The following DNAH9 variants were observed in gnomAD, a reference collection of about 807,000 sequenced individuals.
The protein encoded by DNAH9 is dynein axonemal heavy chain 9.
In DNAH9, 345 loss-of-function variants were observed where a neutral mutation model predicts 471.6. The ratio of observed to expected loss-of-function variants is 0.73; its 90% CI spans 0.67 to 0.80. The LOEUF (loss-of-function observed/expected upper bound fraction) is 0.80, where lower values mean the gene tolerates loss of function less well. Ranked by LOEUF, DNAH9 falls within the 30% of genes least tolerant of loss-of-function variation. DNAH9 has a pLI of 0.00. For missense variants in DNAH9, 5,407 were observed against 5,609.2 expected (o/e 0.96, Z 1.15); for synonymous variants, 2,093 against 2,123.6 (o/e 0.99, Z 0.40).
chr17:11,689,840 G>A lies in DNAH9; in HGVS notation c.4018G>A (p.Ala1340Thr), dbSNP rs747818360. 1.2e-6 allele frequency: 2 copies of A among 1,612,972 alleles called. No individual in the cohort carries two copies. The highest frequency in any genetic ancestry group is 1.7e-6 in the Non-Finnish European group (2 of 1,179,380). Residue 1340 changes from alanine (A) to threonine (T), a missense_variant, in exon 20 of 69, where the codon GCC becomes ACC. Ala to Thr is a moderately conservative substitution (Grantham distance 58). This residue lies in a region of DNAH9 where 4,636 missense variants were observed against 4,900.3 expected (regional missense o/e 0.95). Transcript: ENST00000262442. The part of the protein sequence containing the change: ...EAMELECKQF[A>T]RHIRNLDKEV... ...CATGGAGTTGGAGTGCAAACAGTTT[G>A]CCCGGCATATCCGAAACCTGGACAA...
chr17:11,608,639 CT>C (rs1015086915), intron 2 of DNAH9, among the ~76,000 whole-genome samples: 9 of 152,272 alleles, frequency 5.9e-5, no homozygotes, highest in East Asian at 5.8e-4. Context: ...AGGATAGTGT[CT>C]CATCATTGGC....
rs551125541 is a variant in DNAH9 at position 11,781,852 on chromosome 17, A to AAAC, written c.7718+680_7718+681insCAA. Reference sequence around the variant, plus strand: ...ATCTTAAAAAAAAAAAACAAACAAAAAAAAAACTACCAAACACCCGGTACC... The same window carrying AAAC: ...ATCTTAAAAAAAAAAAACAAACAAAAAACAAAAAACTACCAAACACCCGGTACC... On this transcript the variant is annotated intron_variant, in intron 39 of 68. Transcript: ENST00000262442. Among the ~76,000 whole-genome samples, 325 of 149,812 alleles carry AAAC rather than the reference A, an allele frequency of 2.2e-3. 4 individuals are homozygous for AAAC. Among genetic ancestry groups the AAAC allele is most frequent in the South Asian group, 4.0e-3 (19 of 4,712 alleles).
chr17:11,898,185 C>T (rs1433153960), intron 59 of DNAH9, among the ~76,000 whole-genome samples: 2 of 151,006 alleles, frequency 1.3e-5, no homozygotes, highest in African/African-American at 2.4e-5. Flanking sequence ...AGTGCAGTGG[C>T]GAAATCTCGG....
chr17:11,949,111 C>T (rs1481460670), intron 67 of DNAH9, among the ~76,000 whole-genome samples: 1 of 152,148 alleles, frequency 6.6e-6, no homozygotes, highest in East Asian at 1.9e-4. Flanking sequence ...GAACGAAGAC[C>T]TACAGGAAAA....
chr17:11,793,960 G>A (rs1969151235), intron 42 of DNAH9, among the ~76,000 whole-genome samples: 1 of 151,390 alleles, frequency 6.6e-6, no homozygotes, highest in South Asian at 2.1e-4. Context: ...TGATGCTCTA[G>A]CATCCTTGAA....
At chr17:11,703,102 A>AAG (rs1555569586) in intron 24 of DNAH9, among the ~76,000 whole-genome samples, 4 of 151,324 alleles carry the variant, frequency 2.6e-5, no homozygotes, top group African/African-American at 7.3e-5. Context: ...AAAAAAAAAA[A>AAG]AAAAGAAAAG....
intron 54 of DNAH9, 73 bp downstream of exon 54, chr17:11,880,273 C>G (rs751415207): frequency 1.6e-5 from 25 of 1,558,754 alleles, no homozygotes; most frequent in African/African-American, 2.7e-5. Context: ...ATGAAGAGGT[C>G]TGCTCTTCCT....
At chr17:11,768,693 A>G in intron 37 of DNAH9, 67 bp downstream of exon 37, 1 of 1,560,700 alleles carries the variant, frequency 6.4e-7, no homozygotes, top group Non-Finnish European at 8.7e-7. Flanking sequence ...TGGCTCCAGT[A>G]GCAGCCCCGC....
chr17:11,899,121 T>C (rs926432535), intron 59 of DNAH9, among the ~76,000 whole-genome samples: 2 of 152,036 alleles, frequency 1.3e-5, no homozygotes, highest in Non-Finnish European at 2.9e-5. Flanking sequence ...TCTTTTTAAG[T>C]GTTTGGTTGG....
intron 26 of DNAH9, among the ~76,000 whole-genome samples, chr17:11,705,737 A>G (rs569540028): frequency 5.3e-4 from 81 of 152,324 alleles, no homozygotes; most frequent in African/African-American, 1.9e-3. Flanking sequence ...AACTTCAGTT[A>G]TTCCCAATAC....
intron 49 of DNAH9, among the ~76,000 whole-genome samples, chr17:11,842,768 T>A (rs1052976866): frequency 6.6e-6 from 1 of 152,208 alleles, no homozygotes; most frequent in East Asian, 1.9e-4. Flanking sequence ...ATTCTAGCAG[T>A]GCTGGCAGCT....
intron 6 of DNAH9, among the ~76,000 whole-genome samples, chr17:11,621,492 G>A (rs970408578): frequency 6.6e-6 from 1 of 151,956 alleles, no homozygotes; most frequent in Non-Finnish European, 1.5e-5. Flanking sequence ...GAGCAGGTTT[G>A]GAGGAAAGAG....
At chr17:11,609,317 C>T (rs1411901740) in intron 2 of DNAH9, among the ~76,000 whole-genome samples, 2 of 152,154 alleles carry the variant, frequency 1.3e-5, no homozygotes, top group Non-Finnish European at 2.9e-5. Flanking sequence ...AATTGGAAAA[C>T]TTATTGCGGT....
At chr17:11,872,937 A>T (rs1972341401) in intron 52 of DNAH9, among the ~76,000 whole-genome samples, 1 of 152,192 alleles carries the variant, frequency 6.6e-6, no homozygotes, top group Admixed American at 6.5e-5. Context: ...AAACAAACAA[A>T]AACAGTCAGT....
intron 65 of DNAH9, among the ~76,000 whole-genome samples, chr17:11,936,541 T>C (rs1974719197): frequency 6.6e-6 from 1 of 152,026 alleles, no homozygotes; most frequent in South Asian, 2.1e-4. Flanking sequence ...GAGACTGAGG[T>C]GGAAAGCACT....
At chr17:11,719,575 AC>A (rs1421067253) in intron 27 of DNAH9, 85 bp downstream of exon 27, 1 of 1,296,916 alleles carries the variant, frequency 7.7e-7, no homozygotes, top group African/African-American at 1.5e-5. Flanking sequence ...CATCCGTGCC[AC>A]CCTGACCCAG....
At chr17:11,927,862 CT>C (rs1974383136) in intron 62 of DNAH9, among the ~76,000 whole-genome samples, 1 of 152,168 alleles carries the variant, frequency 6.6e-6, no homozygotes, top group Non-Finnish European at 1.5e-5. Context: ...ACAGACATTC[CT>C]TCTCCTAGAC....
chr17:11,823,082 T>C, intron 48 of DNAH9, 48 bp downstream of exon 48: 2 of 1,512,692 alleles, frequency 1.3e-6, no homozygotes, highest in Non-Finnish European at 9.0e-7. Context: ...TGGAGGGAGC[T>C]GAAGCAGCCC....
chr17:11,870,454 A>G (rs1189707824), intron 51 of DNAH9, among the ~76,000 whole-genome samples: 1 of 152,208 alleles, frequency 6.6e-6, no homozygotes, highest in East Asian at 1.9e-4. Context: ...TGAATTACAC[A>G]GCAGAGCCAG....
Sources: gnomAD v4.1 joint callset for allele counts (sites outside exome capture counted in the v4.1 genomes callset) on GRCh38, gnomAD v4.1.1 for gene constraint, gnomAD v4.1.1 regional missense constraint, MANE v1.5 for transcripts, NCBI Gene and HGNC (gene_info 2026-07-23, HGNC 2026-07-21) for gene names.